TAS2R1: variants seen among roughly 807,000 people sequenced by gnomAD.
TAS2R1 encodes taste 2 receptor member 1, also known as taste receptor type 2 member 1.
For missense variants in TAS2R1, 370 were observed against 353.4 expected (o/e 1.05, Z -0.38); for synonymous variants, 141 against 134.2 (o/e 1.05, Z -0.35).
At chr5:9,684,450 C>T in intron 1 of TAS2R1, among the ~76,000 whole-genome samples, 1 of 152,148 alleles carries the variant, frequency 6.6e-6, no homozygotes, top group East Asian at 1.9e-4. Flanking sequence ...AAAATTACAG[C>T]TACATAGGAG....
At chr5:9,864,286 G>A in the TAS2R1 span, among the ~76,000 whole-genome samples, 84 of 152,250 alleles carry the variant, frequency 5.5e-4, no homozygotes, top group African/African-American at 1.9e-3. Context: ...TTTCCCACCC[G>A]ATAGGAAGAG....
At chr5:9,784,197 C>T in the TAS2R1 span, among the ~76,000 whole-genome samples, 1 of 152,274 alleles carries the variant, frequency 6.6e-6, no homozygotes, top group South Asian at 2.1e-4. Flanking sequence ...ATCTATCTAA[C>T]CAGGCTAGCA....
the TAS2R1 span, among the ~76,000 whole-genome samples, chr5:9,878,865 T>G: frequency 6.6e-6 from 1 of 152,344 alleles, no homozygotes; most frequent in East Asian, 1.9e-4. Context: ...TGTGTGGTCC[T>G]GAGTGAGTGC....
chr5:9,739,794 GA>G, the TAS2R1 span, among the ~76,000 whole-genome samples: 6 of 152,168 alleles, frequency 3.9e-5, no homozygotes, highest in African/African-American at 4.8e-5. Context: ...AGTACAACTT[GA>G]ATTCAGAGAA....
chr5:9,790,118 T>C, the TAS2R1 span, among the ~76,000 whole-genome samples: 1 of 152,204 alleles, frequency 6.6e-6, no homozygotes. Flanking sequence ...GGACAGGCCC[T>C]GGAGGGAGGG....
At chr5:9,766,448 C>G in the TAS2R1 span, among the ~76,000 whole-genome samples, 1 of 152,304 alleles carries the variant, frequency 6.6e-6, no homozygotes, top group African/African-American at 2.4e-5. Context: ...AGGTAGCAGG[C>G]AGAGTGATCA....
At chr5:9,663,142 T>A (rs1740570416) in intron 1 of TAS2R1, among the ~76,000 whole-genome samples, 1 of 151,872 alleles carries the variant, frequency 6.6e-6, no homozygotes, top group Admixed American at 6.6e-5. Context: ...ACTCATAAAG[T>A]TATCAGGATA....
At chr5:9,884,607 CA>C in the TAS2R1 span, among the ~76,000 whole-genome samples, 1 of 151,782 alleles carries the variant, frequency 6.6e-6, no homozygotes, top group African/African-American at 2.4e-5. Context: ...TTATAAAACA[CA>C]AGTTACTATT....
chr5:9,706,220 T>C (rs940829873), intron 1 of TAS2R1, among the ~76,000 whole-genome samples: 1 of 152,148 alleles, frequency 6.6e-6, no homozygotes, highest in Non-Finnish European at 1.5e-5. Flanking sequence ...ACAATTCAAA[T>C]GTCCTCACCC....
At chr5:9,861,040 T>TTTTTTTTTTTTG in the TAS2R1 span, among the ~76,000 whole-genome samples, 2 of 148,784 alleles carry the variant, frequency 1.3e-5, no homozygotes, top group East Asian at 2.0e-4. Flanking sequence ...AGATGAGGTT[T>TTTTTTTTTTTTG]TTTTTTTTTT....
intron 1 of TAS2R1, among the ~76,000 whole-genome samples, chr5:9,694,348 T>C (rs1434140726): frequency 6.6e-6 from 1 of 152,142 alleles, no homozygotes; most frequent in Non-Finnish European, 1.5e-5. Flanking sequence ...AAACAAGACA[T>C]AAACCAAAAA....
the TAS2R1 span, among the ~76,000 whole-genome samples, chr5:9,820,426 A>G: frequency 2.6e-5 from 4 of 152,336 alleles, no homozygotes; most frequent in African/African-American, 9.6e-5. Flanking sequence ...AAATTTGAAA[A>G]CAAATAAAAT....
the TAS2R1 span, among the ~76,000 whole-genome samples, chr5:9,865,064 G>A: frequency 2.6e-5 from 4 of 152,188 alleles, no homozygotes; most frequent in African/African-American, 4.8e-5. Context: ...AGCAGGAGTT[G>A]GACCAGAGAT....
chr5:9,866,910 G>A, the TAS2R1 span, among the ~76,000 whole-genome samples: 7 of 152,124 alleles, frequency 4.6e-5, no homozygotes, highest in African/African-American at 9.7e-5. Context: ...CTTCAAATAT[G>A]TGTCTATACC....
chr5:9,853,329 G>C, the TAS2R1 span, among the ~76,000 whole-genome samples: 1 of 152,216 alleles, frequency 6.6e-6, no homozygotes, highest in African/African-American at 2.4e-5. Context: ...CAGCAGCTCA[G>C]GCACAGCTCA....
upstream of TAS2R1, among the ~76,000 whole-genome samples, chr5:9,634,518 T>A (rs926812457): frequency 2.6e-5 from 4 of 152,146 alleles, no homozygotes; most frequent in African/African-American, 9.7e-5. Context: ...TTGCATTGAA[T>A]TTGTAGATTG....
At chr5:9,795,686 A>C in the TAS2R1 span, among the ~76,000 whole-genome samples, 1 of 152,184 alleles carries the variant, frequency 6.6e-6, no homozygotes, top group Non-Finnish European at 1.5e-5. Flanking sequence ...AAGTTTTTCA[A>C]GTTCATCCCC....
chr5:9,677,679 C>G (rs982772469), intron 1 of TAS2R1, among the ~76,000 whole-genome samples: 2 of 152,252 alleles, frequency 1.3e-5, no homozygotes, highest in East Asian at 1.9e-4. Context: ...ACACTAAATG[C>G]TGGCAAGAAT....
chr5:9,901,892 T>C, the TAS2R1 span, among the ~76,000 whole-genome samples: 1 of 152,108 alleles, frequency 6.6e-6, no homozygotes, highest in African/African-American at 2.4e-5. Context: ...TAACTAACCA[T>C]GAATAGCTGC....
Sources: allele counts gnomAD v4.1 joint callset (sites outside exome capture counted in the v4.1 genomes callset), GRCh38; gene constraint gnomAD v4.1.1; transcripts MANE v1.5; gene names NCBI Gene and HGNC (gene_info 2026-07-23, HGNC 2026-07-21).